The following TBK1 variants were observed in gnomAD, a reference collection of about 807,000 sequenced individuals.
The protein encoded by TBK1 is TANK binding kinase 1, also known as serine/threonine-protein kinase TBK1.
In TBK1, 37 loss-of-function variants were observed where a neutral mutation model predicts 99.9. The ratio of observed to expected loss-of-function variants is 0.37; its 90% CI spans 0.28 to 0.49. The LOEUF is 0.49. Ranked by LOEUF, TBK1 falls within the 20% of genes least tolerant of loss-of-function variation. The pLI is 0.98. For missense variants in TBK1, 644 were observed against 872.5 expected (o/e 0.74, Z 3.30); for synonymous variants, 258 against 279.8 (o/e 0.92, Z 0.78).
At position 64,499,082 on chromosome 12, in the gene TBK1, T is replaced by C. The variant is rs137892495; in HGVS notation, c.2138+1043T>C. Among the ~76,000 whole-genome samples the C allele has an allele frequency of 2.9e-3, 416 of 144,210 alleles. 5 individuals are homozygous for C. The highest frequency in any genetic ancestry group is 0.01 in the African/African-American group (398 of 38,388). 94.6% of individuals were successfully genotyped at this position (144,210 alleles called of 152,430 possible). A position where few individuals can be genotyped will look rare whatever the true frequency, so the allele number is the denominator to read the frequency against. On this transcript the variant is annotated intron_variant, in intron 20 of 20. Coordinates refer to ENST00000331710, the MANE Select transcript of TBK1 (RefSeq NM_013254.4). ...TTCCCCCGAGACGGAGTTTCGCTGT[T>C]GCCCAGGCTGGAGTCCAATGGCGTG...
At chr12:64,482,862 C>T (rs577918065) in intron 8 of TBK1, among the ~76,000 whole-genome samples, 21 of 152,216 alleles carry the variant, frequency 1.4e-4, no homozygotes, top group African/African-American at 5.1e-4. Context: ...AGAACTATTC[C>T]CATCATTAAG....
Position 64,483,604 on chromosome 12 carries a change from A to G in TBK1, c.993-699A>G, listed in dbSNP as rs899392006. Among the ~76,000 whole-genome samples the G allele has an allele frequency of 2.6e-5, 4 of 152,290 alleles. No individual in the cohort carries two copies. In the East Asian group the frequency reaches 7.7e-4, roughly 29 times the overall value. ...GGAAACAGTGCAGAGGAGTTAAGTCACTTACGGTTTTATAGGAAGTTAGTG... is the reference window on the plus strand; with the variant it reads ...GGAAACAGTGCAGAGGAGTTAAGTCGCTTACGGTTTTATAGGAAGTTAGTG... On this transcript the variant is annotated intron_variant, in intron 8 of 20. Transcript: ENST00000331710.
chr12:64,476,856 A>T (rs1490134696), intron 6 of TBK1, among the ~76,000 whole-genome samples: 1 of 152,200 alleles, frequency 6.6e-6, no homozygotes, highest in Non-Finnish European at 1.5e-5. Flanking sequence ...ATATGGTAAG[A>T]GGTAGGGGTC....
At chr12:64,484,893 G>A (rs1280408785) in intron 9 of TBK1, among the ~76,000 whole-genome samples, 1 of 152,122 alleles carries the variant, frequency 6.6e-6, no homozygotes, top group African/African-American at 2.4e-5. Flanking sequence ...TTGTAAAATT[G>A]AAAAAGCCTT....
intron 8 of TBK1, among the ~76,000 whole-genome samples, chr12:64,483,399 T>C (rs1443359869): frequency 6.6e-6 from 1 of 152,226 alleles, no homozygotes; most frequent in Non-Finnish European, 1.5e-5. Flanking sequence ...GATCTATTCA[T>C]GGGGAAGCTG....
intron 20 of TBK1, 44 bp downstream of exon 20, chr12:64,498,083 A>G: frequency 6.0e-6 from 9 of 1,504,102 alleles, no homozygotes; most frequent in Non-Finnish European, 7.3e-6. Flanking sequence ...TGTGCAATTG[A>G]GTTCATTCAC....
Position 64,497,204 on chromosome 12 carries a change from A to G in TBK1, c.1904A>G (p.Asn635Ser), listed in dbSNP as rs376688012. The G allele has an allele frequency of 6.2e-6, 10 of 1,600,628 alleles. No individual in the cohort carries two copies. The highest frequency in any genetic ancestry group is 3.3e-4 in the Middle Eastern group (2 of 6,004). The change falls in exon 18 of 21, where the codon AAT (asparagine) becomes AGT (serine). Residue 635 changes from asparagine (N) to serine (S), a missense_variant. This residue lies in a region of TBK1 where 465 missense variants were observed against 588.0 expected (regional missense o/e 0.79). Transcript: ENST00000331710. ...HLRKQLLSLT[N>S]QCFDIEEEVS... Reference sequence around the variant, plus strand: ...AGGAAACAGTTATTATCGCTGACTAATCAGTGTTTTGATATTGAAGAAGAA... The same window carrying G: ...AGGAAACAGTTATTATCGCTGACTAGTCAGTGTTTTGATATTGAAGAAGAA...
chr12:64,480,026 C>G lies in TBK1; in HGVS notation c.716C>G (p.Thr239Arg). ...TTCCTCCCAAGGTATAAAATAATTACAGGAAAGCCTTCTGGTGCAATATCT... is the reference window on the plus strand; with the variant it reads ...TTCCTCCCAAGGTATAAAATAATTAGAGGAAAGCCTTCTGGTGCAATATCT... Reference protein sequence around the residue: ...RNKEVMYKIITGKPSGAISGV... With the variant: ...RNKEVMYKIIRGKPSGAISGV... Residue 239 changes from threonine to arginine, a missense_variant, in exon 7 of 21, where the codon ACA becomes AGA. Transcript: ENST00000331710. 6 of 1,611,194 alleles carry G rather than the reference C, an allele frequency of 3.7e-6. No individual in the cohort carries two copies. Among genetic ancestry groups the G allele is most frequent in the Non-Finnish European group, 5.1e-6 (6 of 1,178,326 alleles).
At chr12:64,469,968 C>G (rs549598306) in intron 5 of TBK1, among the ~76,000 whole-genome samples, 2 of 152,134 alleles carry the variant, frequency 1.3e-5, no homozygotes, top group Non-Finnish European at 1.5e-5. Context: ...GTTTACTGCT[C>G]TAAGAATGTT....
chr12:64,459,896 G>A (rs2040527730), intron 2 of TBK1, among the ~76,000 whole-genome samples: 1 of 152,148 alleles, frequency 6.6e-6, no homozygotes, highest in East Asian at 1.9e-4. Context: ...TTTATCTTCT[G>A]ATGTGTGACT....
intron 20 of TBK1, among the ~76,000 whole-genome samples, chr12:64,499,057 TTC>T: frequency 7.1e-6 from 1 of 141,648 alleles, no homozygotes; most frequent in South Asian, 2.4e-4. Flanking sequence ...TTTTTTTTTT[TTC>T]CCCCGAGACG....
intron 6 of TBK1, among the ~76,000 whole-genome samples, chr12:64,476,035 T>G (rs1029952681): frequency 6.6e-6 from 1 of 152,140 alleles, no homozygotes; most frequent in Non-Finnish European, 1.5e-5. Context: ...TTACTTTTTT[T>G]TATTTTTTTA....
At chr12:64,494,503 C>A (rs537896623) in intron 13 of TBK1, among the ~76,000 whole-genome samples, 4 of 151,712 alleles carry the variant, frequency 2.6e-5, no homozygotes, top group Non-Finnish European at 4.4e-5. Context: ...AATTTAAGAT[C>A]TGTACATGTT....
Position 64,496,849 on chromosome 12 carries a change from CA to C in TBK1, c.1761-99del, listed in dbSNP as rs1394966146. The stretch of plus-strand genomic sequence containing the variant: ...GTAAATATTCTAAAGCCACAACAAT[CA>C]TTATAGGAAAGATACATTTCATATA... On this transcript the variant is annotated intron_variant, in intron 16 of 20. Coordinates refer to ENST00000331710, the MANE Select transcript of TBK1 (RefSeq NM_013254.4). 5 of 732,854 alleles carry C rather than the reference CA, an allele frequency of 6.8e-6. No individual in the cohort carries two copies. In the East Asian group the frequency reaches 8.7e-5, roughly 13 times the overall value. 45.4% of individuals were successfully genotyped at this position (732,854 alleles called of 1,614,324 possible).
At chr12:64,490,666 G>A (rs533658128) in intron 13 of TBK1, among the ~76,000 whole-genome samples, 52 of 152,086 alleles carry the variant, frequency 3.4e-4, no homozygotes, top group African/African-American at 1.2e-3. Context: ...GGCTGGGCGC[G>A]GTGGCTCATG....
At chr12:64,490,825 G>T (rs112139038) in intron 13 of TBK1, among the ~76,000 whole-genome samples, 14,510 of 151,828 alleles carry the variant, frequency 0.096, 835 homozygotes, top group Middle Eastern at 0.22. Context: ...GGGAGGCTGA[G>T]GCAGGAGAAT....
chr12:64,497,621 C>CTCT, intron 18 of TBK1, 27 bp from the exon 19 acceptor site: 1 of 1,024,170 alleles, frequency 9.8e-7, no homozygotes, highest in Non-Finnish European at 1.4e-6. Flanking sequence ...GGGTTTTTTT[C>CTCT]TTTTTTTTTT....
chr12:64,452,790 C>T (rs2040442051), intron 1 of TBK1: 1 of 152,324 alleles, frequency 6.6e-6, no homozygotes, highest in African/African-American at 2.4e-5. Flanking sequence ...TTCCTTGCTC[C>T]TCGTCTACCT....
chr12:64,455,987 T>C (rs2040483470), intron 2 of TBK1, 30 bp downstream of exon 2: 1 of 1,501,982 alleles, frequency 6.7e-7, no homozygotes, highest in Admixed American at 1.9e-5. Flanking sequence ...TGAAGACCTT[T>C]TATCACTGTA....
Sources: gnomAD v4.1 joint callset for allele counts (sites outside exome capture counted in the v4.1 genomes callset) on GRCh38, gnomAD v4.1.1 for gene constraint, gnomAD v4.1.1 regional missense constraint, MANE v1.5 for transcripts, NCBI Gene and HGNC (gene_info 2026-07-23, HGNC 2026-07-21) for gene names.